Variants in CFAP58 observed in about 807,000 individuals in gnomAD.
The protein encoded by CFAP58 is cilia and flagella associated protein 58, also known as cilia- and flagella-associated protein 58.
Under a neutral mutation model 119.5 loss-of-function variants are expected in CFAP58, and 88 were observed. The ratio of observed to expected loss-of-function variants is 0.74; its 90% CI spans 0.62 to 0.88. The LOEUF (loss-of-function observed/expected upper bound fraction) is 0.88. Among genes scored for constraint, CFAP58 ranks in the 40% least tolerant of loss-of-function variants. The pLI is 0.00. For missense variants in CFAP58, 990 were observed against 1,021.2 expected, an observed-to-expected ratio of 0.97 and a Z score of 0.42; for synonymous variants, 365 against 366.3, an observed-to-expected ratio of 1.00 and a Z score of 0.04.
At chr10:104,378,949 C>T (rs2011725211) in intron 8 of CFAP58, among the ~76,000 whole-genome samples, 1 of 151,920 alleles carries the variant, frequency 6.6e-6, no homozygotes, top group Admixed American at 6.6e-5. Flanking sequence ...TGGGTCCTAT[C>T]CCAGACCCAC....
intron 15 of CFAP58, among the ~76,000 whole-genome samples, chr10:104,441,402 T>C (rs1047189429): frequency 1.1e-3 from 160 of 152,360 alleles, no homozygotes; most frequent in African/African-American, 3.6e-3. Flanking sequence ...CGTGTTTCAT[T>C]ACTGGCTTTA....
intron 7 of CFAP58, 100 bp from the exon 8 acceptor site, chr10:104,376,711 G>C: frequency 1.2e-6 from 1 of 838,594 alleles, no homozygotes; most frequent in Non-Finnish European, 1.9e-6. Flanking sequence ...TTTATAGCTA[G>C]AGACAAACAT....
intron 13 of CFAP58, 30 bp from the exon 14 acceptor site, chr10:104,403,699 T>A (rs2012307405): frequency 6.8e-7 from 1 of 1,471,634 alleles, no homozygotes; most frequent in Non-Finnish European, 9.4e-7. Context: ...GGTGGATAAT[T>A]CTTTGCAAAA....
At chr10:104,392,991 C>T (rs1053873547) in intron 10 of CFAP58, among the ~76,000 whole-genome samples, 1 of 152,198 alleles carries the variant, frequency 6.6e-6, no homozygotes, top group African/African-American at 2.4e-5. Context: ...CAGAGGGCAG[C>T]AGCATACTCT....
intron 14 of CFAP58, among the ~76,000 whole-genome samples, chr10:104,404,529 T>C (rs2012323522): frequency 6.6e-6 from 1 of 152,168 alleles, no homozygotes. Context: ...ATGATCAGGG[T>C]ATTGGGAGAT....
intron 16 of CFAP58, among the ~76,000 whole-genome samples, chr10:104,448,990 C>A (rs982928545): frequency 1.3e-5 from 2 of 152,192 alleles, no homozygotes; most frequent in Admixed American, 6.5e-5. Flanking sequence ...CTCAGGAAAT[C>A]CAGATTTTTT....
Position 104,399,158 on chromosome 10 carries a change from A to G in CFAP58, c.1675-202A>G, listed in dbSNP as rs1250359603. 2.1e-5 allele frequency among the ~76,000 whole-genome samples: 3 copies of G among 146,328 alleles called. No individual in the cohort carries two copies. In the Admixed American group the frequency reaches 2.1e-4, roughly 10 times the overall value. On this transcript the variant is annotated intron_variant, in intron 11 of 17. Coordinates refer to ENST00000369704, the MANE Select transcript of CFAP58 (RefSeq NM_001008723.2). ...AATAAACATGATGACTGTAATGTGCATTGCTATTTCTTTATGAGTGTGTGT... is the reference window on the plus strand; with the variant it reads ...AATAAACATGATGACTGTAATGTGCGTTGCTATTTCTTTATGAGTGTGTGT...
At chr10:104,404,710 C>T (rs1418504557) in intron 14 of CFAP58, among the ~76,000 whole-genome samples, 5 of 152,058 alleles carry the variant, frequency 3.3e-5, no homozygotes, top group African/African-American at 4.8e-5. Flanking sequence ...CCCGGGTTCA[C>T]GCCATTCTCC....
At chr10:104,401,955 A>G (rs2012274011) in intron 13 of CFAP58, among the ~76,000 whole-genome samples, 1 of 152,244 alleles carries the variant, frequency 6.6e-6, no homozygotes, top group Admixed American at 6.5e-5. Flanking sequence ...AATAGTCTCC[A>G]AACCATCACT....
intron 2 of CFAP58, among the ~76,000 whole-genome samples, chr10:104,360,709 C>A (rs955636687): frequency 6.6e-5 from 10 of 152,246 alleles, no homozygotes; most frequent in Admixed American, 2.6e-4. Context: ...ATTTAGCTCC[C>A]ATTTATAAGT....
chr10:104,441,367 C>T (rs1427032192), intron 15 of CFAP58, among the ~76,000 whole-genome samples: 1 of 152,176 alleles, frequency 6.6e-6, no homozygotes, highest in African/African-American at 2.4e-5. Flanking sequence ...TAAATAAATA[C>T]TTAGTTGACT....
chr10:104,382,213 A>G, intron 9 of CFAP58: 2 of 717,286 alleles, frequency 2.8e-6, no homozygotes, highest in Admixed American at 4.0e-5. Flanking sequence ...CTCTGCTGAC[A>G]AGGGAAGGGC....
chr10:104,403,885 C>T (rs759043402), intron 14 of CFAP58, 45 bp downstream of exon 14: 43 of 1,237,974 alleles, frequency 3.5e-5, no homozygotes, highest in Middle Eastern at 1.9e-4. Context: ...ATCTCTCCTC[C>T]TATCCCACGC....
At chr10:104,428,532 C>T (rs1252650004) in intron 15 of CFAP58, among the ~76,000 whole-genome samples, 2 of 152,200 alleles carry the variant, frequency 1.3e-5, no homozygotes, top group African/African-American at 4.8e-5. Context: ...GCCCTACTCC[C>T]TGAGTCTAAT....
chr10:104,390,999 T>C (rs992009313), intron 9 of CFAP58, among the ~76,000 whole-genome samples: 4 of 152,142 alleles, frequency 2.6e-5, no homozygotes, highest in African/African-American at 9.7e-5. Context: ...TTTAAATATA[T>C]AAAGGATAAA....
intron 4 of CFAP58, 151 bp downstream of exon 4, chr10:104,365,040 C>G: frequency 2.7e-6 from 2 of 752,422 alleles, no homozygotes; most frequent in Non-Finnish European, 4.2e-6. Flanking sequence ...TTAGTTTGTT[C>G]TCTTGAGAGG....
chr10:104,343,861 G>A, the CFAP58 span, among the ~76,000 whole-genome samples: 1 of 152,158 alleles, frequency 6.6e-6, no homozygotes, highest in Non-Finnish European at 1.5e-5. Context: ...TCCTGCCTCA[G>A]CCCTCTGAGT....
intron 15 of CFAP58, among the ~76,000 whole-genome samples, chr10:104,429,027 C>G (rs921048629): frequency 1.3e-5 from 2 of 152,190 alleles, no homozygotes; most frequent in South Asian, 4.1e-4. Context: ...CACAGAGGAT[C>G]CATTGATTTT....
At chr10:104,438,345 TTTGTTTTTTTTTTTTGTTTTTTTTTTTTG>T (rs2012971072) in intron 15 of CFAP58, among the ~76,000 whole-genome samples, 10 of 68,374 alleles carry the variant, frequency 1.5e-4, no homozygotes, top group African/African-American at 8.4e-4. Context: ...TTTTTTGTTT[TTTGTTTTTTTTTTTTGTTTTTTTTTTTTG>T]TTTTTTTTTT....
Sources: allele counts gnomAD v4.1 joint callset (sites outside exome capture counted in the v4.1 genomes callset), GRCh38; gene constraint gnomAD v4.1.1; transcripts MANE v1.5; gene names NCBI Gene and HGNC (gene_info 2026-07-23, HGNC 2026-07-21).